Variants in MRPL58 observed in about 807,000 individuals in gnomAD.
MRPL58 encodes mitochondrial ribosomal protein L58.
A neutral mutation model predicts 26.0 loss-of-function variants in MRPL58; 17 were observed. The ratio of observed to expected loss-of-function variants is 0.65; its 90% CI spans 0.45 to 0.98. MRPL58 has a LOEUF of 0.98. Ranked by LOEUF, MRPL58 falls within the 50% of genes least tolerant of loss-of-function variation. The pLI is 0.00. For missense variants in MRPL58, 250 were observed against 269.0 expected (o/e 0.93, Z 0.49); for synonymous variants, 100 against 99.7 (o/e 1.00, Z -0.02).
rs753423038 is a variant in MRPL58, at chr17:75,019,703, G to C, written c.227G>C (p.Arg76Pro). The C allele has an allele frequency of 6.2e-7, 1 of 1,612,854 alleles. No homozygotes were observed. Among genetic ancestry groups the C allele is most frequent in the Admixed American group, 1.7e-5 (1 of 59,966 alleles). Reference protein sequence around the residue: ...KQADSDIPLDRLTISYCRSSG... With the variant: ...KQADSDIPLDPLTISYCRSSG... The stretch of plus-strand genomic sequence containing the variant: ...TGTACTTTCTTCTGTTTTACAGATC[G>C]CTTGACAATATCTTATTGTCGGAGT... Residue 76 changes from arginine (R) to proline (P), a missense_variant, in exon 3 of 6, where the codon CGC becomes CCC. Physicochemically the swap from Arg to Pro is moderately radical, Grantham distance 103. Transcript: ENST00000301585.
Position 75,016,572 on chromosome 17 carries a change from AAGAG to A in MRPL58, c.187-496_187-493del, listed in dbSNP as rs34357338. On this transcript the variant is annotated intron_variant, in intron 1 of 5. Coordinates refer to ENST00000301585, the MANE Select transcript of MRPL58 (RefSeq NM_001545.3). The stretch of plus-strand genomic sequence containing the variant: ...AGGGCGTTGCTGCTTGAGGAACAGC[AAGAG>A]AGAGAGAGACATGGAGGTGAGAAGT... 1.7e-4 allele frequency among the ~76,000 whole-genome samples: 26 copies of A among 152,032 alleles called. No individual in the cohort carries two copies. The South Asian group carries it at 3.9e-3, about 23-fold the overall frequency.
At chr17:75,016,722 G>C (rs1460431059) in intron 1 of MRPL58, among the ~76,000 whole-genome samples, 1 of 152,218 alleles carries the variant, frequency 6.6e-6, no homozygotes, top group East Asian at 1.9e-4. Flanking sequence ...GGCCCACCAG[G>C]CTTGTTGCTC....
intron 2 of MRPL58, among the ~76,000 whole-genome samples, 181 bp from the exon 3 acceptor site, chr17:75,019,519 A>G (rs934995919): frequency 1.3e-5 from 2 of 152,176 alleles, no homozygotes; most frequent in African/African-American, 4.8e-5. Context: ...ATGAGTCACT[A>G]CTGCTCACTG....
At chr17:75,015,950 T>C (rs1323965799) in intron 1 of MRPL58, among the ~76,000 whole-genome samples, 1 of 150,120 alleles carries the variant, frequency 6.7e-6, no homozygotes, top group Non-Finnish European at 1.5e-5. Flanking sequence ...CATGCCTAGC[T>C]AATTTTGTAT....
intron 1 of MRPL58, 23 bp from the exon 2 acceptor site, chr17:75,017,055 A>C: frequency 6.3e-7 from 1 of 1,596,644 alleles, no homozygotes; most frequent in Non-Finnish European, 8.6e-7. Context: ...TATTTATTTG[A>C]CACTGTGTAC....
rs1480551816 is a variant in MRPL58 at position 75,012,722 on chromosome 17, C to T, written c.36C>T (p.Ser12=). The change falls in exon 1 of 6, where the codon AGC becomes AGT. Residue 12 remains serine, a synonymous_variant. Coordinates refer to ENST00000301585, the MANE Select transcript of MRPL58 (RefSeq NM_001545.3). ...CCAGGTGCCTGCGCTGGGGCCTGAG[C>T]CGAGCCGGAGTCTGGCTGCTCCCAC... is the stretch of plus-strand genomic sequence containing the variant. ...AATRCLRWGL[S]RAGVWLLPPP... is the part of the protein sequence containing the mutation. 1 of 1,575,316 alleles carries T rather than the reference C, an allele frequency of 6.3e-7. No individual in the cohort carries two copies. The highest frequency in any genetic ancestry group is 8.6e-7 in the Non-Finnish European group (1 of 1,162,932).
chr17:75,020,460 ACT>A, intron 4 of MRPL58, 26 bp from the exon 5 acceptor site: 1 of 1,613,598 alleles, frequency 6.2e-7, no homozygotes, highest in South Asian at 1.1e-5. Flanking sequence ...ACTCTGTAGG[ACT>A]CCAGTTTTTC....
At position 75,016,626 on chromosome 17, in the gene MRPL58, A is replaced by G. The variant is rs570050198; in HGVS notation, c.187-452A>G. On this transcript the variant is annotated intron_variant, in intron 1 of 5. Transcript: ENST00000301585. Reference sequence around the variant, plus strand: ...TCCTGGAGTGAGTAGTTAGTTTGACAGAAACCCTCAGGGTGCAATTATAGT... The same window carrying G: ...TCCTGGAGTGAGTAGTTAGTTTGACGGAAACCCTCAGGGTGCAATTATAGT... Among the ~76,000 whole-genome samples, 9 of 152,352 alleles carry G rather than the reference A, an allele frequency of 5.9e-5. No individual in the cohort carries two copies. In the East Asian group the frequency reaches 1.2e-3, roughly 20 times the overall value.
rs921482215 is a variant in MRPL58, at chr17:75,020,971, C to T, written c.587C>T (p.Ala196Val). ...ERLRQKRIHS[A>V]VKTSRRVDMD ...CTGAGACAAAAGAGAATTCATTCTGCTGTAAAGACAAGCAGGAGGGTCGAC... is the reference window on the plus strand; with the variant it reads ...CTGAGACAAAAGAGAATTCATTCTGTTGTAAAGACAAGCAGGAGGGTCGAC... The change falls in exon 6 of 6, where the codon GCT (alanine) becomes GTT (valine). Residue 196 changes from alanine (A) to valine (V), a missense_variant. By Grantham distance (64) the Ala-to-Val change is moderately conservative (BLOSUM62 0). Coordinates refer to ENST00000301585, the MANE Select transcript of MRPL58 (RefSeq NM_001545.3). The T allele has an allele frequency of 3.1e-6, 5 of 1,613,964 alleles. No individual in the cohort carries two copies. Among genetic ancestry groups the T allele is most frequent in the Admixed American group, 1.7e-5 (1 of 60,018 alleles).
intron 2 of MRPL58, among the ~76,000 whole-genome samples, chr17:75,018,028 A>G (rs548007120): frequency 6.6e-6 from 1 of 152,294 alleles, no homozygotes; most frequent in East Asian, 1.9e-4. Context: ...GTGCAGAAGT[A>G]GAATCTTTGC....
At chr17:75,020,831 T>G (rs1312210512) in intron 5 of MRPL58, 90 bp from the exon 6 acceptor site, 4 of 1,243,868 alleles carry the variant, frequency 3.2e-6, no homozygotes, top group Non-Finnish European at 4.7e-6. Context: ...GTGTAACTGC[T>G]CGGCTTCCCG....
At chr17:75,015,687 G>A (rs79030290) in intron 1 of MRPL58, among the ~76,000 whole-genome samples, 3,184 of 152,194 alleles carry the variant, frequency 0.021, 65 homozygotes, top group South Asian at 0.069. Context: ...CAGGAAGGAG[G>A]GTGTGGCCCA....
rs1402903844 is a variant in MRPL58 at position 75,020,518 on chromosome 17, T to C, written c.397T>C (p.Leu133=). 1.2e-6 allele frequency: 2 copies of C among 1,613,802 alleles called. No individual in the cohort carries two copies. The highest frequency in any genetic ancestry group is 1.7e-6 in the Non-Finnish European group (2 of 1,179,920). ...AAACAAGATCAACAGGTTAGGAGAG[T>C]TGATCCTCACCTCTGAGAGCAGCCG... The part of the protein sequence containing the change: ...HKNKINRLGE[L]ILTSESSRYQ... Residue 133 remains leucine (L), a synonymous_variant, in exon 5 of 6, where the codon TTG becomes CTG. Transcript: ENST00000301585.
intron 2 of MRPL58, among the ~76,000 whole-genome samples, chr17:75,019,269 G>T (rs1439076528): frequency 1.3e-5 from 2 of 152,130 alleles, no homozygotes; most frequent in Non-Finnish European, 2.9e-5. Flanking sequence ...GCAGGCAAGT[G>T]GGCAGTAGCT....
At chr17:75,018,323 C>T (rs2144885961) in intron 2 of MRPL58, among the ~76,000 whole-genome samples, 1 of 152,136 alleles carries the variant, frequency 6.6e-6, no homozygotes, top group Admixed American at 6.5e-5. Context: ...GTTCCGCCTC[C>T]CAGGTTCACA....
Position 75,018,278 on chromosome 17 carries a change from C to T in MRPL58, c.223+1164C>T, listed in dbSNP as rs186767660. ...ATGGAGTCTCGCTCTGTCACCCAGG[C>T]TGGAGTGCAGTGGCCCGATCTCGGC... On this transcript the variant is annotated intron_variant, in intron 2 of 5. Transcript: ENST00000301585. Among the ~76,000 whole-genome samples, 1,009 of 151,310 alleles carry T rather than the reference C, an allele frequency of 6.7e-3. 9 individuals carry two copies. Among genetic ancestry groups the T allele is most frequent in the African/African-American group, 0.022 (919 of 41,086 alleles).
intron 1 of MRPL58, among the ~76,000 whole-genome samples, chr17:75,014,410 C>G (rs1410720074): frequency 3.1e-5 from 3 of 96,796 alleles, no homozygotes; most frequent in Non-Finnish European, 4.1e-5. Flanking sequence ...CCAGGTTGGT[C>G]TTGATCACGG....
At chr17:75,017,307 TAAAA>T (rs113430634) in intron 2 of MRPL58, among the ~76,000 whole-genome samples, 193 bp downstream of exon 2, 1 of 142,450 alleles carries the variant, frequency 7.0e-6, no homozygotes, top group East Asian at 2.1e-4. Context: ...AATTAAAAAT[TAAAA>T]AAAAAAAATC....
Position 75,021,048 on chromosome 17 carries a change from C to T in MRPL58, c.*43C>T. On this transcript the variant is annotated 3_prime_UTR_variant, in exon 6 of 6. Transcript: ENST00000301585. ...GGGAGGGCTCTTCTGGGCGTCCGGGCAGCTGCAGCTGAGAGGACTTTCACA... is the reference window on the plus strand; with the variant it reads ...GGGAGGGCTCTTCTGGGCGTCCGGGTAGCTGCAGCTGAGAGGACTTTCACA... 3.0e-6 allele frequency: 4 copies of T among 1,320,706 alleles called. No individual in the cohort carries two copies. Among genetic ancestry groups the T allele is most frequent in the Admixed American group, 1.7e-5 (1 of 59,168 alleles). 81.8% of individuals were successfully genotyped at this position (1,320,706 alleles called of 1,614,324 possible). A position where few individuals can be genotyped will look rare whatever the true frequency, so the allele number is the denominator to read the frequency against.
Sources: allele counts gnomAD v4.1 joint callset (sites outside exome capture counted in the v4.1 genomes callset), GRCh38; gene constraint gnomAD v4.1.1; transcripts MANE v1.5; gene names NCBI Gene and HGNC (gene_info 2026-07-23, HGNC 2026-07-21).